SMARCAD1: variants seen among roughly 807,000 people sequenced by gnomAD.
SMARCAD1 encodes SWI/SNF-related matrix-associated actin-dependent regulator of chromatin subfamily A containing DEAD/H box 1.
SMARCAD1 carries 25 observed loss-of-function variants against 127.1 expected under a neutral mutation model. That is an observed-to-expected ratio of 0.20 (90% CI 0.14 to 0.27). The LOEUF is 0.27. Among genes scored for constraint, SMARCAD1 ranks in the 10% least tolerant of loss-of-function variants. The pLI is 1.00. For synonymous variants in SMARCAD1, 400 were observed against 396.9 expected (o/e 1.01, Z -0.09); for missense variants, 807 against 1,206.0 (o/e 0.67, Z 4.90).
chr4:94,218,725 T>A (rs761238961), intron 2 of SMARCAD1, among the ~76,000 whole-genome samples: 2 of 152,196 alleles, frequency 1.3e-5, no homozygotes, highest in Non-Finnish European at 2.9e-5. Flanking sequence ...ATTAGAGAGT[T>A]TGATTCATCT....
chr4:94,227,089 A>G (rs1255841612), intron 3 of SMARCAD1, among the ~76,000 whole-genome samples: 3 of 152,154 alleles, frequency 2.0e-5, no homozygotes, highest in Non-Finnish European at 4.4e-5. Context: ...ACAGTGCTGG[A>G]GCAAAGACAT....
rs1015774776 is a variant in SMARCAD1, at chr4:94,252,708, C to T, written c.982C>T (p.Leu328=). The T allele has an allele frequency of 1.3e-6, 2 of 1,593,380 alleles. No homozygotes were observed. The highest frequency in any genetic ancestry group is 1.7e-6 in the Non-Finnish European group (2 of 1,171,766). The change falls in exon 9 of 24, where the codon CTA becomes TTA. Residue 328 remains leucine (L), a synonymous_variant. Coordinates refer to ENST00000354268, the MANE Select transcript of SMARCAD1 (RefSeq NM_020159.5). ...NYPKNATKTK[L]KQKFSMKAQN... The stretch of plus-strand genomic sequence containing the variant: ...CCCTAAAAATGCAACTAAAACAAAA[C>T]TAAAACAGAAATTTTCAATGAAAGC...
chr4:94,227,853 A>G (rs761466241), intron 3 of SMARCAD1, among the ~76,000 whole-genome samples: 1 of 152,232 alleles, frequency 6.6e-6, no homozygotes, highest in Non-Finnish European at 1.5e-5. Context: ...ATTTAAAGCC[A>G]TATGATCAGA....
intron 6 of SMARCAD1, among the ~76,000 whole-genome samples, chr4:94,247,246 C>T (rs1748575163): frequency 6.6e-6 from 1 of 152,110 alleles, no homozygotes; most frequent in African/African-American, 2.4e-5. Flanking sequence ...ATGTCTGTTC[C>T]AACTATGATT....
chr4:94,262,700 A>G (rs1201032530), intron 9 of SMARCAD1, among the ~76,000 whole-genome samples: 1 of 152,072 alleles, frequency 6.6e-6, no homozygotes, highest in Non-Finnish European at 1.5e-5. Flanking sequence ...TTCTTACTCC[A>G]TAAGGAATTA....
intron 12 of SMARCAD1, 47 bp downstream of exon 12, chr4:94,273,763 A>G (rs1334469003): frequency 1.2e-5 from 18 of 1,459,632 alleles, no homozygotes; most frequent in South Asian, 9.2e-5. Flanking sequence ...CATGTTTTAT[A>G]TAGGTAGAAG....
intron 21 of SMARCAD1, 28 bp from the exon 22 acceptor site, chr4:94,283,093 G>A: frequency 9.5e-6 from 15 of 1,584,004 alleles, no homozygotes; most frequent in African/African-American, 1.3e-5. Flanking sequence ...TTTTTAGTGA[G>A]ATTTAACCTA....
At chr4:94,236,211 T>G (rs1190152828) in intron 4 of SMARCAD1, among the ~76,000 whole-genome samples, 6 of 152,238 alleles carry the variant, frequency 3.9e-5, no homozygotes, top group African/African-American at 1.4e-4. Flanking sequence ...GCTACTTGAT[T>G]TAATACAAAA....
chr4:94,235,400 A>C (rs1017700500), intron 4 of SMARCAD1, among the ~76,000 whole-genome samples: 4 of 151,966 alleles, frequency 2.6e-5, no homozygotes, highest in African/African-American at 9.7e-5. Context: ...AAGAAAGATA[A>C]AAATAAACAT....
rs1327666058 is a variant in SMARCAD1, at chr4:94,290,218, AT to A, written c.*686del. The A allele has an allele frequency of 4.4e-6, 2 of 454,334 alleles. No homozygotes were observed. Among genetic ancestry groups the A allele is most frequent in the Non-Finnish European group, 8.8e-6 (2 of 226,772 alleles). 28.1% of individuals were successfully genotyped at this position (454,334 alleles called of 1,614,324 possible). A position where few individuals can be genotyped will look rare whatever the true frequency, so the allele number is the denominator to read the frequency against. ...AGCCCCTACCTTGCTCCATGGATTA[AT>A]TCCTTCTGTTCATTTTCCAACTGCA... On this transcript the variant is annotated 3_prime_UTR_variant, in exon 24 of 24. Coordinates refer to ENST00000354268, the MANE Select transcript of SMARCAD1 (RefSeq NM_020159.5).
chr4:94,270,684 TAGA>T, intron 10 of SMARCAD1, 41 bp from the exon 11 acceptor site: 1 of 1,518,758 alleles, frequency 6.6e-7, no homozygotes, highest in Non-Finnish European at 9.1e-7. Context: ...AGAAAACTGA[TAGA>T]AATATAGATG....
intron 11 of SMARCAD1, among the ~76,000 whole-genome samples, chr4:94,271,127 T>G (rs1752487826): frequency 6.6e-6 from 1 of 152,202 alleles, no homozygotes; most frequent in Non-Finnish European, 1.5e-5. Context: ...AAGAACTAGT[T>G]TGGTGTCTTC....
At chr4:94,243,776 A>G (rs775260494) in intron 6 of SMARCAD1, among the ~76,000 whole-genome samples, 13 of 152,174 alleles carry the variant, frequency 8.5e-5, no homozygotes, top group African/African-American at 2.9e-4. Context: ...TACCATGTAT[A>G]TTATCCTGTT....
intron 2 of SMARCAD1, among the ~76,000 whole-genome samples, chr4:94,210,363 T>C (rs536333661): frequency 1.1e-4 from 16 of 152,330 alleles, no homozygotes; most frequent in South Asian, 4.1e-4. Context: ...TTTTGGAGAA[T>C]CTTGAAAACT....
intron 9 of SMARCAD1, among the ~76,000 whole-genome samples, chr4:94,255,537 T>C (rs1001073487): frequency 6.6e-6 from 1 of 151,778 alleles, no homozygotes; most frequent in Non-Finnish European, 1.5e-5. Context: ...GTAGTAGACA[T>C]ATAAATGTAA....
intron 9 of SMARCAD1, 37 bp downstream of exon 9, chr4:94,253,044 T>C: frequency 6.2e-7 from 1 of 1,604,792 alleles, no homozygotes; most frequent in Non-Finnish European, 8.5e-7. Flanking sequence ...TGTATGTGTG[T>C]GTGTATTTAA....
At chr4:94,220,274 A>G (rs282447) in intron 2 of SMARCAD1, among the ~76,000 whole-genome samples, 83,249 of 151,654 alleles carry the variant, frequency 0.55, 23,322 homozygotes, top group East Asian at 0.72. Flanking sequence ...TTGAGATGGA[A>G]TTTTGCTTTG....
intron 23 of SMARCAD1, among the ~76,000 whole-genome samples, chr4:94,286,647 C>T (rs1205551431): frequency 1.3e-5 from 2 of 152,090 alleles, no homozygotes; most frequent in African/African-American, 4.8e-5. Flanking sequence ...ACTTTTTTCT[C>T]CCATCGTATT....
At chr4:94,273,113 G>T (rs1327621413) in intron 11 of SMARCAD1, among the ~76,000 whole-genome samples, 1 of 152,092 alleles carries the variant, frequency 6.6e-6, no homozygotes, top group African/African-American at 2.4e-5. Context: ...ACCTATTTAG[G>T]TTATTTCCAG....
Sources: allele counts gnomAD v4.1 joint callset (sites outside exome capture counted in the v4.1 genomes callset), GRCh38; gene constraint gnomAD v4.1.1; transcripts MANE v1.5; gene names NCBI Gene and HGNC (gene_info 2026-07-23, HGNC 2026-07-21).